The following GLI3 variants were observed in gnomAD, a reference collection of about 807,000 sequenced individuals.
GLI3 encodes GLI family zinc finger 3.
Under a neutral mutation model 100.8 loss-of-function variants are expected in GLI3, and 20 were observed. The observed-to-expected ratio is 0.20, with a 90% CI of 0.14 to 0.29. GLI3 has a LOEUF of 0.29. Among genes scored for constraint, GLI3 ranks in the 10% least tolerant of loss-of-function variants. GLI3 has a pLI of 1.00. For synonymous variants in GLI3, 938 were observed against 860.5 expected, an observed-to-expected ratio of 1.09 and a Z score of -1.58; for missense variants, 2,040 against 2,128.5, an observed-to-expected ratio of 0.96 and a Z score of 0.82.
At chr7:42,219,928 A>G (rs1421624724) in intron 2 of GLI3, among the ~76,000 whole-genome samples, 2 of 146,544 alleles carry the variant, frequency 1.4e-5, no homozygotes, top group Non-Finnish European at 3.0e-5. Flanking sequence ...ATCTTGGCTC[A>G]CTGTAAGCTC....
chr7:42,113,680 A>AT (rs1403307060), intron 3 of GLI3: 28 of 738,934 alleles, frequency 3.8e-5, no homozygotes, highest in Non-Finnish European at 6.0e-5. Context: ...TTGAAATACT[A>AT]TTTTTTATCA....
chr7:42,035,943 C>T (rs1789426273), intron 7 of GLI3, among the ~76,000 whole-genome samples: 1 of 152,092 alleles, frequency 6.6e-6, no homozygotes, highest in African/African-American at 2.4e-5. Context: ...ACATACTTTC[C>T]AATGTGCATG....
chr7:42,090,884 A>C (rs1417535450), intron 3 of GLI3, among the ~76,000 whole-genome samples: 2 of 152,282 alleles, frequency 1.3e-5, no homozygotes, highest in African/African-American at 4.8e-5. Flanking sequence ...GTAGGTATTC[A>C]TATGCTATTT....
intron 2 of GLI3, among the ~76,000 whole-genome samples, chr7:42,217,615 C>T (rs189060597): frequency 2.6e-5 from 4 of 152,260 alleles, no homozygotes; most frequent in South Asian, 4.1e-4. Context: ...ATTATCTTCC[C>T]TATTTTCCGA....
intron 2 of GLI3, among the ~76,000 whole-genome samples, chr7:42,193,289 A>G (rs1787864313): frequency 6.6e-6 from 1 of 152,094 alleles, no homozygotes; most frequent in African/African-American, 2.4e-5. Context: ...AGCTGTTCTT[A>G]TAAACAATGA....
At chr7:42,199,525 C>T (rs971411080) in intron 2 of GLI3, among the ~76,000 whole-genome samples, 4 of 152,100 alleles carry the variant, frequency 2.6e-5, no homozygotes, top group African/African-American at 9.7e-5. Flanking sequence ...CAACTGCTTT[C>T]GTTTTTACAG....
chr7:42,223,336 G>GAA (rs11266806), intron 1 of GLI3, 41 bp from the exon 2 acceptor site: 48,852 of 831,440 alleles, frequency 0.059, 26 homozygotes, highest in East Asian at 0.13. Flanking sequence ...CAAAATGGTG[G>GAA]AAAAAAAAAA....
chr7:42,048,393 A>C (rs1386332198), intron 5 of GLI3, 98 bp downstream of exon 5: 5 of 858,734 alleles, frequency 5.8e-6, no homozygotes, highest in Non-Finnish European at 1.0e-5. Context: ...CACATGGGAA[A>C]CACTCACTAA....
intron 10 of GLI3, among the ~76,000 whole-genome samples, chr7:42,018,800 A>G (rs1350123399): frequency 6.6e-6 from 1 of 152,170 alleles, no homozygotes; most frequent in African/African-American, 2.4e-5. Context: ...AAAAAGATGA[A>G]TTTTTGACAC....
chr7:41,967,949 G>A (rs762782752), intron 13 of GLI3, 26 bp from the exon 14 acceptor site: 13 of 1,587,466 alleles, frequency 8.2e-6, no homozygotes, highest in Non-Finnish European at 1.0e-5. Flanking sequence ...GGAAAGGAAA[G>A]AAATGTCACC....
chr7:41,984,957 G>C (rs1410369314), intron 10 of GLI3, among the ~76,000 whole-genome samples: 2 of 152,226 alleles, frequency 1.3e-5, no homozygotes, highest in Admixed American at 1.3e-4. Context: ...TGCACACACA[G>C]GTGGTGTTAT....
intron 2 of GLI3, among the ~76,000 whole-genome samples, chr7:42,195,392 T>C (rs1179276109): frequency 1.3e-5 from 2 of 152,232 alleles, no homozygotes; most frequent in African/African-American, 2.4e-5. Flanking sequence ...TTTCAATTGC[T>C]TGATATACAA....
At position 42,115,488 on chromosome 7, in the gene GLI3, C is replaced by G; in HGVS notation, c.367+32738G>C. ...TCAAATTACCACAGATTTTCAATCT[C>G]TGAATGGAAGCCAATATAATTCATC... On this transcript the variant is annotated intron_variant, in intron 3 of 14. Coordinates refer to ENST00000395925, the MANE Select transcript of GLI3 (RefSeq NM_000168.6). 1.3e-5 allele frequency among the ~76,000 whole-genome samples: 2 copies of G among 152,174 alleles called. 1 individual carries two copies.
At position 41,966,256 on chromosome 7, in the gene GLI3, C is replaced by T. The variant is rs1185544723; in HGVS notation, c.2817G>A (p.Gly939=). The T allele has an allele frequency of 1.2e-6, 2 of 1,608,008 alleles. No individual in the cohort carries two copies. The highest frequency in any genetic ancestry group is 1.7e-6 in the Non-Finnish European group (2 of 1,179,124). The stretch of plus-strand genomic sequence containing the variant: ...TGTTGGGCAGGGGCGTCGGCGGCGG[C>T]CCTCCTGTGGCAGCCGCGTACTTGG... ...LKAKYAAATG[G]PPPTPLPNME... Residue 939 remains glycine, a synonymous_variant, in exon 15 of 15, where the codon GGG becomes GGA. Coordinates refer to ENST00000395925, the MANE Select transcript of GLI3 (RefSeq NM_000168.6). This position sits in a 1 kb window ranked among gnomAD's most constrained non-coding sequence, Gnocchi z 5.8.
intron 2 of GLI3, among the ~76,000 whole-genome samples, chr7:42,165,916 C>A (rs1787232272): frequency 6.6e-6 from 1 of 152,196 alleles, no homozygotes; most frequent in Non-Finnish European, 1.5e-5. Flanking sequence ...TATATTAAAT[C>A]TTAATGTCAA....
At position 42,246,806 on chromosome 7, in the gene GLI3, T is replaced by TA. The variant is rs940339949; in HGVS notation, c.-43+17187_-43+17188insT. ...TAAAGGCTCATTGGATGATAGAATC[T>TA]TTTTTTTTTTTTTTTTTTTTTTTTT... is the stretch of plus-strand genomic sequence containing the variant. On this transcript the variant is annotated intron_variant, in intron 1 of 2. Coordinates refer to the GLI3 transcript ENST00000678978. 3.2e-3 allele frequency among the ~76,000 whole-genome samples: 61 copies of TA among 19,304 alleles called. 2 individuals are homozygous for TA. Among genetic ancestry groups the TA allele is most frequent in the Middle Eastern group, 0.016 (1 of 64 alleles). The allele number at this position is 19,304 out of a possible 152,430, so 12.7% of individuals were successfully genotyped here.
chr7:42,041,586 G>C (rs190188952), intron 6 of GLI3, among the ~76,000 whole-genome samples: 2 of 152,186 alleles, frequency 1.3e-5, no homozygotes, highest in Non-Finnish European at 1.5e-5. Context: ...CCAGTTTATA[G>C]GAAAATGGCA....
chr7:42,131,821 A>G (rs187900087), intron 3 of GLI3, among the ~76,000 whole-genome samples: 10 of 152,350 alleles, frequency 6.6e-5, no homozygotes, highest in African/African-American at 2.4e-4. Flanking sequence ...TAATAATATA[A>G]TATCAATATT....
At chr7:42,055,050 TAC>T (rs1199287626) in intron 4 of GLI3, among the ~76,000 whole-genome samples, 1 of 144,482 alleles carries the variant, frequency 6.9e-6, no homozygotes, top group African/African-American at 2.6e-5. Flanking sequence ...CATATATATA[TAC>T]ACACACATAT....
Sources: gnomAD v4.1 joint callset for allele counts (sites outside exome capture counted in the v4.1 genomes callset) on GRCh38, gnomAD v4.1.1 for gene constraint, Gnocchi (gnomAD v3.1) non-coding constraint, MANE v1.5 for transcripts, NCBI Gene and HGNC (gene_info 2026-07-23, HGNC 2026-07-21) for gene names.